The following DPT variants were observed in gnomAD, a reference collection of about 807,000 sequenced individuals.
DPT encodes the protein dermatopontin.
Under a neutral mutation model 31.2 loss-of-function variants are expected in DPT, and 21 were observed. The ratio of observed to expected loss-of-function variants is 0.67; its 90% CI spans 0.48 to 0.97. The LOEUF (loss-of-function observed/expected upper bound fraction) is 0.97. Among genes scored for constraint, DPT ranks in the 50% least tolerant of loss-of-function variants. DPT has a pLI of 0.00. For missense variants in DPT, 262 were observed against 258.8 expected, an observed-to-expected ratio of 1.01 and a Z score of -0.08; for synonymous variants, 91 against 86.9, an observed-to-expected ratio of 1.05 and a Z score of -0.26.
At chr1:168,717,188 C>T (rs776554409) in intron 1 of DPT, among the ~76,000 whole-genome samples, 1 of 152,202 alleles carries the variant, frequency 6.6e-6, no homozygotes, top group Non-Finnish European at 1.5e-5. Flanking sequence ...AAAAGAATTC[C>T]TATTTCTTCA....
chr1:168,722,949 G>A (rs1404690595), intron 1 of DPT, among the ~76,000 whole-genome samples: 3 of 152,092 alleles, frequency 2.0e-5, no homozygotes, highest in Non-Finnish European at 4.4e-5. Context: ...TTCCCAGACA[G>A]AAGCAAATCC....
At chr1:168,718,396 GCCCTGTGA>G (rs1650033092) in intron 1 of DPT, among the ~76,000 whole-genome samples, 1 of 152,218 alleles carries the variant, frequency 6.6e-6, no homozygotes, top group Non-Finnish European at 1.5e-5. Context: ...AGATAACTCT[GCCCTGTGA>G]AGATTATTTG....
At chr1:168,722,005 C>A (rs973444062) in intron 1 of DPT, among the ~76,000 whole-genome samples, 5 of 152,106 alleles carry the variant, frequency 3.3e-5, no homozygotes, top group Admixed American at 1.3e-4. Context: ...CAGGACAGAG[C>A]GAGAATGCCT....
intron 1 of DPT, among the ~76,000 whole-genome samples, chr1:168,716,349 C>T (rs980999171): frequency 2.0e-5 from 3 of 151,998 alleles, no homozygotes; most frequent in African/African-American, 7.3e-5. Context: ...ATTCGGTCAA[C>T]CATGTAAATT....
At chr1:168,707,688 T>C (rs959149873) in intron 2 of DPT, among the ~76,000 whole-genome samples, 1 of 152,164 alleles carries the variant, frequency 6.6e-6, no homozygotes, top group African/African-American at 2.4e-5. Flanking sequence ...AAGAGGACGG[T>C]CACTCTCATG....
intron 3 of DPT, among the ~76,000 whole-genome samples, chr1:168,697,203 G>A (rs1402059173): frequency 6.6e-6 from 1 of 152,128 alleles, no homozygotes; most frequent in Non-Finnish European, 1.5e-5. Flanking sequence ...GGTTGAAGCT[G>A]CAGTGAACCG....
rs766033497 is a variant in DPT at position 168,714,337 on chromosome 1, C to T, written c.315G>A (p.Thr105=). The T allele has an allele frequency of 5.7e-5, 92 of 1,613,952 alleles. No individual in the cohort carries two copies. The highest frequency in any genetic ancestry group is 1.6e-4 in the Middle Eastern group (1 of 6,084). Residue 105 remains threonine, a synonymous_variant, in exon 2 of 4, where the codon ACG becomes ACA. Transcript: ENST00000367817. ...INRAGMEWYQ[T]CSNNGLVAGF... ...CTGCCACCAGCCCATTGTTGGAGCACGTCTGGTACCTGAAGAGAAGACAAC... is the reference window on the plus strand; with the variant it reads ...CTGCCACCAGCCCATTGTTGGAGCATGTCTGGTACCTGAAGAGAAGACAAC...
At chr1:168,713,419 T>C (rs750728902) in intron 2 of DPT, among the ~76,000 whole-genome samples, 5 of 152,340 alleles carry the variant, frequency 3.3e-5, no homozygotes, top group South Asian at 2.1e-4. Flanking sequence ...TGTGAAGCTG[T>C]CCTTGCAAGC....
At chr1:168,704,787 T>C (rs1649682085) in intron 2 of DPT, among the ~76,000 whole-genome samples, 1 of 152,230 alleles carries the variant, frequency 6.6e-6, no homozygotes, top group Non-Finnish European at 1.5e-5. Context: ...AAATTAATAA[T>C]ATTTTACTTA....
intron 2 of DPT, among the ~76,000 whole-genome samples, chr1:168,702,398 C>G (rs1649619019): frequency 6.6e-6 from 1 of 152,140 alleles, no homozygotes; most frequent in East Asian, 1.9e-4. Context: ...CATAATCATT[C>G]CTTTTACCCA....
chr1:168,711,395 A>G (rs1005081477), intron 2 of DPT, among the ~76,000 whole-genome samples: 2 of 152,064 alleles, frequency 1.3e-5, no homozygotes, highest in Non-Finnish European at 2.9e-5. Context: ...GCCCAAGCCC[A>G]CTATCTGTTG....
chr1:168,719,243 C>T (rs1322686621), intron 1 of DPT, among the ~76,000 whole-genome samples: 1 of 152,166 alleles, frequency 6.6e-6, no homozygotes, highest in Admixed American at 6.5e-5. Context: ...TCCGTTCTCT[C>T]CCTGCAGCTC....
chr1:168,700,202 A>G (rs1338890454), intron 3 of DPT, among the ~76,000 whole-genome samples: 1 of 152,118 alleles, frequency 6.6e-6, no homozygotes, highest in Non-Finnish European at 1.5e-5. Context: ...GCTCTCATGA[A>G]TGGGATTAGT....
chr1:168,700,908 GGTGT>G (rs61401056), intron 3 of DPT, 105 bp downstream of exon 3: 34 of 126,748 alleles, frequency 2.7e-4, no homozygotes, highest in South Asian at 4.9e-4. Flanking sequence ...TGTGTGTGTG[GGTGT>G]GTGTGTGTGT....
At chr1:168,705,503 A>T (rs1163313380) in intron 2 of DPT, among the ~76,000 whole-genome samples, 1 of 152,228 alleles carries the variant, frequency 6.6e-6, no homozygotes, top group Non-Finnish European at 1.5e-5. Context: ...GCATTTACAT[A>T]TGAACAGATC....
intron 1 of DPT, among the ~76,000 whole-genome samples, chr1:168,716,666 G>T (rs550123675): frequency 6.6e-6 from 1 of 152,056 alleles, no homozygotes; most frequent in Non-Finnish European, 1.5e-5. Flanking sequence ...TTTAAGGCCC[G>T]CATGCATTAG....
chr1:168,727,263 C>A (rs147067106), intron 1 of DPT, among the ~76,000 whole-genome samples: 42 of 152,150 alleles, frequency 2.8e-4, no homozygotes, highest in African/African-American at 9.9e-4. Context: ...GCTTTCTAGC[C>A]GAGGAAATAC....
intron 2 of DPT, among the ~76,000 whole-genome samples, chr1:168,705,716 A>T (rs627406): frequency 0.61 from 93,399 of 152,100 alleles, 29,861 homozygotes; most frequent in African/African-American, 0.8. Context: ...TATCCCATTC[A>T]AATGTCCTGT....
At chr1:168,698,474 C>T (rs1269544453) in intron 3 of DPT, among the ~76,000 whole-genome samples, 1 of 152,164 alleles carries the variant, frequency 6.6e-6, no homozygotes, top group Non-Finnish European at 1.5e-5. Context: ...ATCTTATGAT[C>T]AGGCATTCAA....
Sources: allele counts gnomAD v4.1 joint callset (sites outside exome capture counted in the v4.1 genomes callset), GRCh38; gene constraint gnomAD v4.1.1; transcripts MANE v1.5; gene names NCBI Gene and HGNC (gene_info 2026-07-23, HGNC 2026-07-21).